MAST2: variants seen among roughly 807,000 people sequenced by gnomAD.
MAST2 encodes microtubule associated serine/threonine kinase 2.
MAST2 carries 70 observed loss-of-function variants against 147.4 expected under a neutral mutation model. The ratio of observed to expected loss-of-function variants is 0.47; its 90% CI spans 0.39 to 0.58. The LOEUF is 0.58. Among genes scored for constraint, MAST2 ranks in the 20% least tolerant of loss-of-function variants. The probability of loss-of-function intolerance (pLI) is 0.00; values close to 1 mark genes in which losing one functional copy is unlikely to be tolerated. For missense variants in MAST2, 2,080 were observed against 2,302.3 expected (o/e 0.90, Z 1.98); for synonymous variants, 869 against 896.8 (o/e 0.97, Z 0.55).
intron 4 of MAST2, among the ~76,000 whole-genome samples, chr1:45,899,311 T>TC (rs1285399073): frequency 1.4e-5 from 2 of 146,414 alleles, no homozygotes; most frequent in Admixed American, 6.9e-5. Context: ...TCTTTTCTTT[T>TC]TTTTTTTTTT....
At chr1:45,914,393 G>A (rs534433876) in intron 4 of MAST2, among the ~76,000 whole-genome samples, 1 of 152,148 alleles carries the variant, frequency 6.6e-6, no homozygotes, top group Non-Finnish European at 1.5e-5. Flanking sequence ...ACTTTATTAG[G>A]TGAGAATATC....
chr1:45,984,790 C>T (rs1644549088), intron 5 of MAST2, among the ~76,000 whole-genome samples: 1 of 152,036 alleles, frequency 6.6e-6, no homozygotes, highest in Non-Finnish European at 1.5e-5. Flanking sequence ...GAGTTCAAGA[C>T]TGCAATGAGC....
intron 4 of MAST2, among the ~76,000 whole-genome samples, chr1:45,945,898 A>G (rs896872849): frequency 4.6e-5 from 7 of 152,348 alleles, no homozygotes; most frequent in Non-Finnish European, 7.3e-5. Context: ...AGGGCAGTCT[A>G]TACTAGTTCC....
At chr1:45,908,747 A>G (rs2148551737) in intron 4 of MAST2, among the ~76,000 whole-genome samples, 1 of 152,150 alleles carries the variant, frequency 6.6e-6, no homozygotes, top group East Asian at 1.9e-4. Flanking sequence ...AGCTTACCTG[A>G]ACTCTAGCCC....
At chr1:45,861,515 C>G (rs936927142) in intron 3 of MAST2, among the ~76,000 whole-genome samples, 2 of 151,654 alleles carry the variant, frequency 1.3e-5, no homozygotes, top group African/African-American at 4.9e-5. Context: ...GCTTCTTTAG[C>G]TTCTTTACCA....
Position 46,019,679 on chromosome 1 carries a change from A to G in MAST2, c.1272A>G (p.Ala424=). The G allele has an allele frequency of 6.2e-7, 1 of 1,614,182 alleles. No individual in the cohort carries two copies. Among genetic ancestry groups the G allele is most frequent in the Non-Finnish European group, 8.5e-7 (1 of 1,180,002 alleles). The part of the protein sequence containing the change: ...KKLMIIIARP[A]RLLECLEFDP... ...TGATGATTATCATTGCCCGCCCAGC[A>G]CGTCTCCTGGAATGCCTGGTGAGTG... Residue 424 remains alanine, a synonymous_variant, in exon 11 of 29, where the codon GCA becomes GCG. Coordinates refer to ENST00000361297, the MANE Select transcript of MAST2 (RefSeq NM_015112.3).
At chr1:45,910,027 T>G (rs1287595233) in intron 4 of MAST2, among the ~76,000 whole-genome samples, 1 of 152,216 alleles carries the variant, frequency 6.6e-6, no homozygotes, top group African/African-American at 2.4e-5. Flanking sequence ...GCCCAGCTAC[T>G]TGTCTTTTTT....
intron 3 of MAST2, among the ~76,000 whole-genome samples, chr1:45,863,130 A>G (rs747089621): frequency 8.6e-5 from 13 of 151,974 alleles, no homozygotes; most frequent in Non-Finnish European, 1.5e-4. Context: ...AAGAGTTTGA[A>G]TTTTGAATCT....
At chr1:45,897,903 G>A (rs1462140196) in intron 4 of MAST2, among the ~76,000 whole-genome samples, 1 of 151,918 alleles carries the variant, frequency 6.6e-6, no homozygotes, top group Non-Finnish European at 1.5e-5. Context: ...TCAGGAGTTC[G>A]AGACCAGCCT....
chr1:46,018,235 TCTCTCTCTGATGTCTTGCCAC>T (rs1646040175), intron 10 of MAST2, among the ~76,000 whole-genome samples: 1 of 151,958 alleles, frequency 6.6e-6, no homozygotes, highest in Non-Finnish European at 1.5e-5. Context: ...TTTCCTCCAC[TCTCTCTCTGATGTCTTGCCAC>T]CTGCTCCCAT....
intron 5 of MAST2, among the ~76,000 whole-genome samples, chr1:45,991,054 C>T (rs115189771): frequency 8.0e-4 from 121 of 152,090 alleles, no homozygotes; most frequent in African/African-American, 2.8e-3. Context: ...TTTCATGACC[C>T]ATTTTGAGTT....
chr1:45,840,559 A>G (rs1269590008), intron 3 of MAST2, among the ~76,000 whole-genome samples: 1 of 152,188 alleles, frequency 6.6e-6, no homozygotes, highest in African/African-American at 2.4e-5. Flanking sequence ...TAATATTAAG[A>G]CTTCGCTCAT....
chr1:45,820,893 CTTTTTTTTTTT>C (rs769508054), intron 1 of MAST2, among the ~76,000 whole-genome samples: 2 of 43,078 alleles, frequency 4.6e-5, no homozygotes, highest in African/African-American at 2.0e-4. Flanking sequence ...CTTTCTTTCT[CTTTTTTTTTTT>C]TTTTTTTTTT....
rs759916057 is a variant in MAST2 at position 46,023,882 on chromosome 1, G to A, written c.1682G>A (p.Arg561His). Residue 561 changes from arginine (R) to histidine (H), a missense_variant, in exon 15 of 29, where the codon CGT becomes CAT. Transcript: ENST00000361297. The surrounding 1 kb of genome is among the most constrained non-coding windows in gnomAD (Gnocchi z 4.9). ...CAGATCCAGCAGGCCTTCGTGGAGC[G>A]TGACATACTGACTTTCGCTGAGAAC... ...RNQIQQAFVE[R>H]DILTFAENPF... 1.3e-5 allele frequency: 21 copies of A among 1,614,030 alleles called. No homozygotes were observed. Among genetic ancestry groups the A allele is most frequent in the East Asian group, 2.2e-5 (1 of 44,884 alleles).
At chr1:45,816,443 T>C (rs200510831) in intron 1 of MAST2, among the ~76,000 whole-genome samples, 4 of 152,120 alleles carry the variant, frequency 2.6e-5, no homozygotes, top group Non-Finnish European at 5.9e-5. Flanking sequence ...CCTGGAGAGA[T>C]AGAGATACAT....
rs780853628 is a variant in MAST2, at chr1:46,034,766, T to C, written c.4097T>C (p.Leu1366Pro). Residue 1366 changes from leucine (L) to proline (P), a missense_variant, in exon 29 of 29, where the codon CTG (leucine) becomes CCG (proline). This residue lies in a region of MAST2 where 1,278 missense variants were observed against 1,304.2 expected (regional missense o/e 0.98). Transcript: ENST00000361297. ...TCACCTCAGCGGTCCCCATCGCCCC[T>C]GTCTGGCCATGTAGCCCAGGCCTTT... is the stretch of plus-strand genomic sequence containing the variant. ...TASPQRSPSP[L>P]SGHVAQAFPT... 8.7e-6 allele frequency: 14 copies of C among 1,612,340 alleles called. No homozygotes were observed. Among genetic ancestry groups the C allele is most frequent in the African/African-American group, 1.3e-5 (1 of 74,594 alleles).
At chr1:45,841,496 A>G (rs1645274786) in intron 3 of MAST2, among the ~76,000 whole-genome samples, 1 of 151,946 alleles carries the variant, frequency 6.6e-6, no homozygotes, top group Admixed American at 6.6e-5. Context: ...TAAGAAATAC[A>G]TGTATTCCTT....
intron 4 of MAST2, among the ~76,000 whole-genome samples, chr1:45,904,502 A>G (rs1650324774): frequency 6.7e-6 from 1 of 150,284 alleles, no homozygotes; most frequent in Non-Finnish European, 1.5e-5. Flanking sequence ...GGGTCTGGCT[A>G]TGTTGCCTAG....
intron 3 of MAST2, among the ~76,000 whole-genome samples, chr1:45,841,962 T>C (rs1645289891): frequency 6.6e-6 from 1 of 152,230 alleles, no homozygotes; most frequent in Non-Finnish European, 1.5e-5. Flanking sequence ...TCTAGTTACT[T>C]ATAAATTTTT....
Sources: allele counts gnomAD v4.1 joint callset (sites outside exome capture counted in the v4.1 genomes callset), GRCh38; gene constraint gnomAD v4.1.1; regional missense constraint gnomAD v4.1.1; non-coding constraint Gnocchi (gnomAD v3.1); transcripts MANE v1.5; gene names NCBI Gene and HGNC (gene_info 2026-07-23, HGNC 2026-07-21).